Variants in ADGRL3 observed in about 807,000 individuals in gnomAD.
ADGRL3 encodes calcium-independent alpha-latrotoxin receptor 3.
Under a neutral mutation model 153.5 loss-of-function variants are expected in ADGRL3, and 62 were observed. The ratio of observed to expected loss-of-function variants is 0.40; its 90% CI spans 0.33 to 0.50. The LOEUF (loss-of-function observed/expected upper bound fraction) is 0.50, where lower values mean the gene tolerates loss of function less well. ADGRL3 is among the 20% of genes least tolerant of loss of function. The pLI is 0.47. For missense variants in ADGRL3, 1,641 were observed against 1,859.4 expected (o/e 0.88, Z 2.16); for synonymous variants, 710 against 672.5 (o/e 1.06, Z -0.86).
chr4:61,415,551 A>G (rs1402586258), intron 2 of ADGRL3, among the ~76,000 whole-genome samples: 1 of 152,048 alleles, frequency 6.6e-6, no homozygotes, highest in Non-Finnish European at 1.5e-5. Context: ...CTAAGGTTGA[A>G]GTGCTGGTTT....
At chr4:61,731,628 C>T (rs1410191230) in intron 7 of ADGRL3, among the ~76,000 whole-genome samples, 2 of 152,034 alleles carry the variant, frequency 1.3e-5, no homozygotes. Context: ...ATTTGCTCAC[C>T]CTTCCCACTT....
At chr4:61,257,863 CTGTG>C (rs2092135740) in intron 1 of ADGRL3, among the ~76,000 whole-genome samples, 1 of 126,430 alleles carries the variant, frequency 7.9e-6, no homozygotes, top group Non-Finnish European at 1.8e-5. Flanking sequence ...GTGTGTGTGT[CTGTG>C]CGTGTGCGCA....
At chr4:62,014,822 G>A (rs1380102453) in intron 21 of ADGRL3, among the ~76,000 whole-genome samples, 1 of 152,126 alleles carries the variant, frequency 6.6e-6, no homozygotes, top group Non-Finnish European at 1.5e-5. Flanking sequence ...TACACAAATG[G>A]AATGCCTAAC....
intron 1 of ADGRL3, among the ~76,000 whole-genome samples, chr4:61,309,087 C>T (rs927723691): frequency 8.5e-5 from 13 of 152,090 alleles, no homozygotes; most frequent in African/African-American, 3.1e-4. Flanking sequence ...TCAAAATTTA[C>T]TTTGAGTCAT....
intron 11 of ADGRL3, among the ~76,000 whole-genome samples, chr4:61,909,336 T>A (rs2098711102): frequency 6.6e-6 from 1 of 152,176 alleles, no homozygotes; most frequent in South Asian, 2.1e-4. Context: ...CAAAGTAAGT[T>A]TCCTCAGGAG....
intron 1 of ADGRL3, among the ~76,000 whole-genome samples, chr4:61,227,488 T>G (rs953923063): frequency 1.3e-5 from 2 of 152,106 alleles, no homozygotes; most frequent in Non-Finnish European, 2.9e-5. Context: ...GGATTATAGG[T>G]ATAAGCCATG....
At chr4:61,250,727 T>C (rs555531619) in intron 1 of ADGRL3, among the ~76,000 whole-genome samples, 19 of 152,332 alleles carry the variant, frequency 1.2e-4, no homozygotes, top group African/African-American at 4.6e-4. Flanking sequence ...AGCTGTGTGT[T>C]ACTGACAGCT....
chr4:61,413,928 G>C (rs905172959), intron 2 of ADGRL3, among the ~76,000 whole-genome samples: 1 of 152,134 alleles, frequency 6.6e-6, no homozygotes, highest in African/African-American at 2.4e-5. Context: ...TATTCACAGA[G>C]AATACTGGTT....
At chr4:61,300,767 T>C (rs1354464713) in intron 1 of ADGRL3, among the ~76,000 whole-genome samples, 1 of 128,282 alleles carries the variant, frequency 7.8e-6, no homozygotes, top group African/African-American at 2.7e-5. Flanking sequence ...TTTCTTTCTT[T>C]CTTTTTTTTT....
At chr4:61,543,128 T>C (rs2098697893) in intron 4 of ADGRL3, among the ~76,000 whole-genome samples, 1 of 149,936 alleles carries the variant, frequency 6.7e-6, no homozygotes, top group Non-Finnish European at 1.5e-5. Flanking sequence ...TAGGCAGAAT[T>C]ATCCCTCCCC....
chr4:61,833,958 C>CTTTT (rs113049750), intron 9 of ADGRL3, among the ~76,000 whole-genome samples: 10 of 123,416 alleles, frequency 8.1e-5, no homozygotes, highest in East Asian at 7.4e-4. Flanking sequence ...AAGGCAGCTT[C>CTTTT]TTTTTTTTTT....
intron 4 of ADGRL3, among the ~76,000 whole-genome samples, chr4:61,561,336 G>T (rs1012770631): frequency 6.6e-6 from 1 of 152,140 alleles, no homozygotes; most frequent in Non-Finnish European, 1.5e-5. Context: ...GTTGGAAAAT[G>T]ATAGACATTT....
intron 1 of ADGRL3, among the ~76,000 whole-genome samples, chr4:61,356,308 GATTA>G (rs910790535): frequency 1.3e-5 from 2 of 151,908 alleles, no homozygotes; most frequent in Non-Finnish European, 2.9e-5. Flanking sequence ...TGCAGGATTT[GATTA>G]ATTATTTTCT....
chr4:61,788,437 A>G (rs1439548186), intron 8 of ADGRL3, among the ~76,000 whole-genome samples: 2 of 152,064 alleles, frequency 1.3e-5, no homozygotes, highest in South Asian at 2.1e-4. Context: ...GAGCAATAAC[A>G]ATCAGTGCAG....
intron 19 of ADGRL3, among the ~76,000 whole-genome samples, chr4:61,986,100 A>G (rs1033433172): frequency 6.6e-6 from 1 of 151,878 alleles, no homozygotes; most frequent in Non-Finnish European, 1.5e-5. Flanking sequence ...TGTACTCATC[A>G]CTATTGTCTA....
intron 6 of ADGRL3, among the ~76,000 whole-genome samples, chr4:61,704,031 A>T (rs1270019994): frequency 6.6e-6 from 1 of 152,132 alleles, no homozygotes; most frequent in Non-Finnish European, 1.5e-5. Flanking sequence ...AGAAGACCTA[A>T]TGTGTAACCA....
Position 61,976,487 on chromosome 4 carries a change from G to A in ADGRL3, c.2806-3076G>A, listed in dbSNP as rs550020284. On this transcript the variant is annotated intron_variant, in intron 17 of 26. Transcript: ENST00000683033. Reference sequence around the variant, plus strand: ...TGAATTGCAATAATCAAGTGATAAGGAGTAAGGGGAAAATAATGCAAGAAA... The same window carrying A: ...TGAATTGCAATAATCAAGTGATAAGAAGTAAGGGGAAAATAATGCAAGAAA... Among the ~76,000 whole-genome samples, 9 of 152,254 alleles carry A rather than the reference G, an allele frequency of 5.9e-5. No individual in the cohort carries two copies. The South Asian group carries it at 1.9e-3, about 32-fold the overall frequency.
intron 8 of ADGRL3, among the ~76,000 whole-genome samples, chr4:61,803,358 T>G (rs991827005): frequency 6.6e-6 from 1 of 152,160 alleles, no homozygotes; most frequent in Non-Finnish European, 1.5e-5. Context: ...CTCCAGAATT[T>G]TAATGAGTAT....
chr4:61,934,788 C>G (rs1029963799), intron 13 of ADGRL3, 52 bp from the exon 14 acceptor site: 13 of 1,442,160 alleles, frequency 9.0e-6, no homozygotes, highest in Non-Finnish European at 1.3e-5. Flanking sequence ...GGATTTCTGA[C>G]AGCTATGTGG....
Sources: allele counts gnomAD v4.1 joint callset (sites outside exome capture counted in the v4.1 genomes callset), GRCh38; gene constraint gnomAD v4.1.1; transcripts MANE v1.5; gene names NCBI Gene and HGNC (gene_info 2026-07-23, HGNC 2026-07-21).